Variants in ZNF777 observed in about 807,000 individuals in gnomAD.
The protein encoded by ZNF777 is zinc finger protein 777.
A neutral mutation model predicts 72.1 loss-of-function variants in ZNF777; 7 were observed. The ratio of observed to expected loss-of-function variants is 0.10; its 90% CI spans 0.06 to 0.18. The LOEUF (loss-of-function observed/expected upper bound fraction) is 0.18, where lower values mean the gene tolerates loss of function less well. Among genes scored for constraint, ZNF777 ranks in the 10% least tolerant of loss-of-function variants. The probability of loss-of-function intolerance (pLI) is 1.00; values close to 1 mark genes in which losing one functional copy is unlikely to be tolerated. For missense variants in ZNF777, 828 were observed against 1,128.6 expected (o/e 0.73, Z 3.82); for synonymous variants, 545 against 483.5 (o/e 1.13, Z -1.67).
In ZNF777 at chr7:149,432,367, G is replaced by A. The variant is rs1335713087; in HGVS notation, c.1905C>T (p.Pro635=). ...SSGSGGGGPK[P]YKCPECDSSF... is the part of the protein sequence containing the mutation. ...TGCTGTCGCACTCGGGGCACTTGTA[G>A]GGCTTAGGGCCACCGCCGCCGCTAC... The change falls in exon 6 of 6, where the codon CCC becomes CCT. Residue 635 remains proline, a synonymous_variant. Transcript: ENST00000247930. 6.2e-7 allele frequency: 1 copy of A among 1,612,816 alleles called. No homozygotes were observed. Among genetic ancestry groups the A allele is most frequent in the South Asian group, 1.1e-5 (1 of 91,086 alleles).
At position 149,456,040 on chromosome 7, in the gene ZNF777, G is replaced by A. The variant is rs754445238; in HGVS notation, c.-15-3C>T. 6.5e-7 allele frequency: 1 copy of A among 1,543,294 alleles called. No homozygotes were observed. Among genetic ancestry groups the A allele is most frequent in the South Asian group, 1.2e-5 (1 of 80,702 alleles). On this transcript the variant is annotated splice_region_variant and splice_polypyrimidine_tract_variant and intron_variant, in intron 1 of 5. Coordinates refer to ENST00000247930, the MANE Select transcript of ZNF777 (RefSeq NM_015694.3). The stretch of plus-strand genomic sequence containing the variant: ...TTCTCCATGTCCAGCTGCTGAACCT[G>A]TGTTCATGGAAGAAAGGAAAAGAGG...
At position 149,432,532 on chromosome 7, in the gene ZNF777, C is replaced by G; in HGVS notation, c.1740G>C (p.Glu580Asp). Reference protein sequence around the residue: ...KEGPYECAECEISFRHKQQLT... With the variant: ...KEGPYECAECDISFRHKQQLT... ...GCTGTTGCTTGTGCCGGAAGCTGAT[C>G]TCGCATTCGGCGCACTCGTAGGGCC... Residue 580 changes from glutamate to aspartate, a missense_variant, in exon 6 of 6, where the codon GAG becomes GAC. Around this residue, in one of 12 missense-constraint regions of ZNF777, gnomAD observed 100 missense variants for 106.2 expected, o/e 0.94. Coordinates refer to ENST00000247930, the MANE Select transcript of ZNF777 (RefSeq NM_015694.3). The G allele has an allele frequency of 6.2e-7, 1 of 1,613,930 alleles. No homozygotes were observed. The highest frequency in any genetic ancestry group is 8.5e-7 in the Non-Finnish European group (1 of 1,179,894).
At chr7:149,437,795 G>C (rs1408242626) in intron 4 of ZNF777, among the ~76,000 whole-genome samples, 3 of 73,666 alleles carry the variant, frequency 4.1e-5, no homozygotes, top group South Asian at 5.2e-4. Context: ...TTATATGTTT[G>C]TTTCTTTTTC....
Position 149,435,164 on chromosome 7 carries a change from T to C in ZNF777, c.1339+1411A>G, listed in dbSNP as rs571724435. 5.3e-5 allele frequency among the ~76,000 whole-genome samples: 8 copies of C among 152,050 alleles called. No homozygotes were observed. In the East Asian group the frequency reaches 7.7e-4, roughly 15 times the overall value. ...ATGGAGTTACTTAAAAATAAGGTGG[T>C]AGATCCATATATGTACATATTTTTG... On this transcript the variant is annotated intron_variant, in intron 5 of 5. Coordinates refer to ENST00000247930, the MANE Select transcript of ZNF777 (RefSeq NM_015694.3).
At position 149,431,407 on chromosome 7, in the gene ZNF777, T is replaced by C. The variant is rs1326422255; in HGVS notation, c.*369A>G. 6 of 408,500 alleles carry C rather than the reference T, an allele frequency of 1.5e-5. No individual in the cohort carries two copies. The highest frequency in any genetic ancestry group is 2.9e-5 in the Non-Finnish European group (6 of 209,764). 25.3% of individuals were successfully genotyped at this position (408,500 alleles called of 1,614,324 possible). A position where few individuals can be genotyped will look rare whatever the true frequency, so the allele number is the denominator to read the frequency against. On this transcript the variant is annotated 3_prime_UTR_variant, in exon 6 of 6. Coordinates refer to ENST00000247930, the MANE Select transcript of ZNF777 (RefSeq NM_015694.3). ...ATTATTATCAAATAGAACCACAGTA[T>C]CCAAAAGGTAATTATAAAGTTCTAT...
intron 4 of ZNF777, among the ~76,000 whole-genome samples, chr7:149,437,117 T>C (rs147432920): frequency 6.6e-6 from 1 of 152,170 alleles, no homozygotes; most frequent in African/African-American, 2.4e-5. Context: ...TTTTTACTCT[T>C]ATTTTTTCAA....
chr7:149,450,843 T>A (rs1799698873), intron 4 of ZNF777, among the ~76,000 whole-genome samples, 156 bp downstream of exon 4: 2 of 152,174 alleles, frequency 1.3e-5, no homozygotes, highest in Non-Finnish European at 2.9e-5. Context: ...CCACTGGTGA[T>A]CATGGCACTC....
At chr7:149,448,579 CTATATATATATATATATATA>C (rs57860880) in intron 4 of ZNF777, among the ~76,000 whole-genome samples, 1 of 115,104 alleles carries the variant, frequency 8.7e-6, no homozygotes, top group Non-Finnish European at 1.8e-5. Context: ...ATACATATAA[CTATATATATATATATATATA>C]TATATATATA....
At chr7:149,451,237 G>A (rs949480643) in intron 3 of ZNF777, 125 bp from the exon 4 acceptor site, 17 of 771,796 alleles carry the variant, frequency 2.2e-5, no homozygotes, top group African/African-American at 6.9e-5. Context: ...ATGGAAAACC[G>A]CCAAGTCTCC....
At position 149,436,488 on chromosome 7, in the gene ZNF777, G is replaced by A. The variant is rs185749168; in HGVS notation, c.1339+87C>T. ...CCCATCAGTGTCCAGCTACCTCTCT[G>A]AAGGAACCACAGCTTTCCCAGGGGG... On this transcript the variant is annotated intron_variant, in intron 5 of 5. Coordinates refer to ENST00000247930, the MANE Select transcript of ZNF777 (RefSeq NM_015694.3). The surrounding 1 kb of genome is among the most constrained non-coding windows in gnomAD (Gnocchi z 5.0). 11 of 1,474,394 alleles carry A rather than the reference G, an allele frequency of 7.5e-6. No homozygotes were observed. Among genetic ancestry groups the A allele is most frequent in the African/African-American group, 1.4e-5 (1 of 71,674 alleles). The allele number at this position is 1,474,394 out of a possible 1,614,324, so 91.3% of individuals were successfully genotyped here. A position where few individuals can be genotyped will look rare whatever the true frequency, so the allele number is the denominator to read the frequency against.
At position 149,455,968 on chromosome 7, in the gene ZNF777, T is replaced by G; in HGVS notation, c.55A>C (p.Thr19Pro). 1 of 1,610,342 alleles carries G rather than the reference T, an allele frequency of 6.2e-7. No homozygotes were observed. The highest frequency in any genetic ancestry group is 8.5e-7 in the Non-Finnish European group (1 of 1,178,328). The change falls in exon 2 of 6, where the codon ACC (threonine) becomes CCC (proline). Residue 19 changes from threonine to proline, a missense_variant. Coordinates refer to ENST00000247930, the MANE Select transcript of ZNF777 (RefSeq NM_015694.3). The surrounding 1 kb of genome is among the most constrained non-coding windows in gnomAD (Gnocchi z 4.2). ...AGTCCAGCAGGGGCCTGACGTAAGGTTTCTTCTTGTGGAACACTGGGGAAC... is the reference window on the plus strand; with the variant it reads ...AGTCCAGCAGGGGCCTGACGTAAGGGTTCTTCTTGTGGAACACTGGGGAAC... ...LSFPSVPQEE[T>P]LRQAPAGLPR...
chr7:149,456,517 G>A (rs913057229), intron 1 of ZNF777, among the ~76,000 whole-genome samples: 2 of 152,152 alleles, frequency 1.3e-5, no homozygotes, highest in African/African-American at 4.8e-5. Flanking sequence ...AAAACTTTGA[G>A]AAACAAAAGA....
At position 149,451,084 on chromosome 7, in the gene ZNF777, C is replaced by T; in HGVS notation, c.1002G>A (p.Met334Ile). The change falls in exon 4 of 6, where the codon ATG becomes ATA. Residue 334 changes from methionine to isoleucine, a missense_variant. Met to Ile is a conservative substitution (Grantham distance 10). Coordinates refer to ENST00000247930, the MANE Select transcript of ZNF777 (RefSeq NM_015694.3). ...MDYAISKPDL[M>I]SQMERGERPT... ...GCCGCTCCCCGCGCTCCATCTGTGA[C>T]ATGAGGTCTGGTTTGGAAATTGCAT... 6.2e-7 allele frequency: 1 copy of T among 1,613,988 alleles called. No homozygotes were observed. Among genetic ancestry groups the T allele is most frequent in the Non-Finnish European group, 8.5e-7 (1 of 1,180,016 alleles).
intron 3 of ZNF777, 35 bp downstream of exon 3, chr7:149,454,076 C>T (rs770683049): frequency 6.2e-7 from 1 of 1,612,572 alleles, no homozygotes; most frequent in Non-Finnish European, 8.5e-7. Flanking sequence ...AGCTGGCGTC[C>T]AGGCAGCCCC....
chr7:149,456,638 G>A (rs1799838445), intron 1 of ZNF777, among the ~76,000 whole-genome samples: 1 of 152,198 alleles, frequency 6.6e-6, no homozygotes, highest in Non-Finnish European at 1.5e-5. Flanking sequence ...AGGTGGACTT[G>A]GCATCCAGCC....
chr7:149,455,740 C>T lies in ZNF777; in HGVS notation c.283G>A (p.Gly95Ser), dbSNP rs778139672. 3.8e-6 allele frequency: 6 copies of T among 1,587,676 alleles called. No homozygotes were observed. Among genetic ancestry groups the T allele is most frequent in the Non-Finnish European group, 5.1e-6 (6 of 1,166,088 alleles). The part of the protein sequence containing the change: ...AASEQETSLQ[G>S]PLASQEGTQY... Reference sequence around the variant, plus strand: ...GTCCCTTCCTGGGAAGCCAGGGGGCCCTGGAGAGAAGTCTCTTGCTCAGAA... The same window carrying T: ...GTCCCTTCCTGGGAAGCCAGGGGGCTCTGGAGAGAAGTCTCTTGCTCAGAA... Residue 95 changes from glycine (G) to serine (S), a missense_variant, in exon 2 of 6, where the codon GGC (glycine) becomes AGC (serine). Coordinates refer to ENST00000247930, the MANE Select transcript of ZNF777 (RefSeq NM_015694.3). This position sits in a 1 kb window ranked among gnomAD's most constrained non-coding sequence, Gnocchi z 4.2.
Position 149,460,648 on chromosome 7 carries a change from G to A in ZNF777, c.-16+167C>T, listed in dbSNP as rs1799931831. ...AAAGAGAAACACTCCGAGGCTCGTC[G>A]GAGGCTGCCGGAACCCAGACAGCTC... is the stretch of plus-strand genomic sequence containing the variant. On this transcript the variant is annotated intron_variant, in intron 1 of 5. Coordinates refer to ENST00000247930, the MANE Select transcript of ZNF777 (RefSeq NM_015694.3). The surrounding 1 kb of genome is among the most constrained non-coding windows in gnomAD (Gnocchi z 6.1). Among the ~76,000 whole-genome samples the A allele has an allele frequency of 6.6e-6, 1 of 152,076 alleles. No homozygotes were observed. Among genetic ancestry groups the A allele is most frequent in the Non-Finnish European group, 1.5e-5 (1 of 67,974 alleles).
chr7:149,437,127 A>G (rs1799426453), intron 4 of ZNF777, among the ~76,000 whole-genome samples: 1 of 152,078 alleles, frequency 6.6e-6, no homozygotes, highest in Admixed American at 6.6e-5. Context: ...TATTTTTTCA[A>G]TAGAGAAAGG....
At chr7:149,449,068 G>A (rs151327673) in intron 4 of ZNF777, among the ~76,000 whole-genome samples, 331 of 152,342 alleles carry the variant, frequency 2.2e-3, no homozygotes, top group East Asian at 8.7e-3. Context: ...AGGAGAAGGC[G>A]CTTGGATGGA....
Sources: gnomAD v4.1 joint callset for allele counts (sites outside exome capture counted in the v4.1 genomes callset) on GRCh38, gnomAD v4.1.1 for gene constraint, gnomAD v4.1.1 regional missense constraint, Gnocchi (gnomAD v3.1) non-coding constraint, MANE v1.5 for transcripts, NCBI Gene and HGNC (gene_info 2026-07-23, HGNC 2026-07-21) for gene names.